The following PPARGC1A variants were observed in gnomAD, a reference collection of about 807,000 sequenced individuals.
PPARGC1A encodes peroxisome proliferator-activated receptor gamma coactivator 1-alpha.
In PPARGC1A, 25 loss-of-function variants were observed where a neutral mutation model predicts 88.7. The observed-to-expected ratio is 0.28, with a 90% CI of 0.21 to 0.39. PPARGC1A has a LOEUF of 0.39. PPARGC1A is among the 10% of genes least tolerant of loss of function. PPARGC1A has a pLI of 1.00. For synonymous variants in PPARGC1A, 363 were observed against 355.6 expected (o/e 1.02, Z -0.24); for missense variants, 880 against 968.7 (o/e 0.91, Z 1.22).
intron 2 of PPARGC1A, among the ~76,000 whole-genome samples, chr4:23,838,468 C>T (rs775157067): frequency 2.0e-5 from 3 of 151,892 alleles, no homozygotes; most frequent in South Asian, 2.1e-4. Context: ...GGGCACTGGA[C>T]GGTGGGGAAA....
At chr4:23,927,086 A>G in the PPARGC1A span, among the ~76,000 whole-genome samples, 2 of 152,324 alleles carry the variant, frequency 1.3e-5, no homozygotes, top group African/African-American at 4.8e-5. Context: ...CCTACAACCT[A>G]GCTTAGTCTA....
chr4:24,098,570 A>T, the PPARGC1A span, among the ~76,000 whole-genome samples: 1 of 152,234 alleles, frequency 6.6e-6, no homozygotes, highest in Non-Finnish European at 1.5e-5. Flanking sequence ...TCAAACCAAG[A>T]AACAGAATCC....
chr4:24,277,496 C>G, the PPARGC1A span, among the ~76,000 whole-genome samples: 1 of 141,390 alleles, frequency 7.1e-6, no homozygotes, highest in South Asian at 2.6e-4. Context: ...AACTATGAAG[C>G]CTGTCTCTTC....
chr4:24,460,841 A>T, the PPARGC1A span, among the ~76,000 whole-genome samples: 2 of 152,226 alleles, frequency 1.3e-5, no homozygotes, highest in African/African-American at 4.8e-5. Flanking sequence ...AAAGTTTGGT[A>T]ATTTATTGAA....
chr4:24,309,842 G>A, the PPARGC1A span, among the ~76,000 whole-genome samples: 7 of 152,234 alleles, frequency 4.6e-5, no homozygotes, highest in Non-Finnish European at 8.8e-5. Context: ...CCAATCCTGA[G>A]AGAGTATTGT....
chr4:24,309,371 T>C, the PPARGC1A span, among the ~76,000 whole-genome samples: 2 of 151,898 alleles, frequency 1.3e-5, no homozygotes, highest in African/African-American at 4.8e-5. Context: ...ATCCTGGAAG[T>C]GAGAAAGATT....
the PPARGC1A span, among the ~76,000 whole-genome samples, chr4:24,179,154 T>A: frequency 6.6e-6 from 1 of 152,178 alleles, no homozygotes; most frequent in African/African-American, 2.4e-5. Context: ...TAGTTGCAAC[T>A]GTGAGAGCTG....
upstream of PPARGC1A, among the ~76,000 whole-genome samples, chr4:23,902,829 A>G (rs1477795369): frequency 1.3e-5 from 2 of 152,198 alleles, no homozygotes; most frequent in African/African-American, 4.8e-5. Flanking sequence ...TTAGTTTTTG[A>G]TGCCAAAAAC....
intron 2 of PPARGC1A, among the ~76,000 whole-genome samples, chr4:23,876,180 T>C (rs1394047687): frequency 6.6e-6 from 1 of 152,204 alleles, no homozygotes; most frequent in Non-Finnish European, 1.5e-5. Context: ...ATTTGCATAA[T>C]AGCATTTTAA....
the PPARGC1A span, among the ~76,000 whole-genome samples, chr4:23,910,280 T>C: frequency 1.5e-5 from 1 of 67,062 alleles, no homozygotes; most frequent in Admixed American, 2.1e-4. Context: ...ATATTAACCC[T>C]ATATATTATT....
chr4:23,922,020 A>G, the PPARGC1A span, among the ~76,000 whole-genome samples: 2 of 152,212 alleles, frequency 1.3e-5, no homozygotes, highest in Non-Finnish European at 2.9e-5. Flanking sequence ...CAATGTTCAT[A>G]AAATATTATG....
chr4:24,209,999 G>T, the PPARGC1A span, among the ~76,000 whole-genome samples: 1 of 152,146 alleles, frequency 6.6e-6, no homozygotes, highest in Non-Finnish European at 1.5e-5. Context: ...AAAACGGGAA[G>T]AAGAACAGTC....
chr4:24,160,119 C>T, the PPARGC1A span, among the ~76,000 whole-genome samples: 1 of 152,212 alleles, frequency 6.6e-6, no homozygotes, highest in East Asian at 1.9e-4. Context: ...TTCTCAACCA[C>T]CTGACCCACT....
the PPARGC1A span, among the ~76,000 whole-genome samples, chr4:24,049,712 G>A: frequency 3.3e-5 from 5 of 152,104 alleles, no homozygotes; most frequent in South Asian, 2.1e-4. Context: ...AAAGTCATAT[G>A]TAGATTATTC....
At chr4:23,952,598 G>A in the PPARGC1A span, among the ~76,000 whole-genome samples, 1 of 152,046 alleles carries the variant, frequency 6.6e-6, no homozygotes, top group South Asian at 2.1e-4. Context: ...GGAGAGTTAA[G>A]TCCAGAGATA....
chr4:23,976,321 A>G, the PPARGC1A span, among the ~76,000 whole-genome samples: 9 of 152,324 alleles, frequency 5.9e-5, no homozygotes, highest in Middle Eastern at 3.4e-3. Context: ...ATCTCTGGGG[A>G]AAGACATGCA....
At chr4:24,219,396 A>T in the PPARGC1A span, among the ~76,000 whole-genome samples, 2 of 152,094 alleles carry the variant, frequency 1.3e-5, no homozygotes, top group Non-Finnish European at 2.9e-5. Flanking sequence ...GAATCTTACA[A>T]ACAGCAACCA....
the PPARGC1A span, among the ~76,000 whole-genome samples, chr4:24,197,845 G>A: frequency 6.6e-6 from 1 of 152,180 alleles, no homozygotes; most frequent in Non-Finnish European, 1.5e-5. Context: ...CCTTTTAGCT[G>A]TAGGGTTTGG....
the PPARGC1A span, among the ~76,000 whole-genome samples, chr4:24,371,957 A>G: frequency 6.6e-6 from 1 of 151,944 alleles, no homozygotes; most frequent in Admixed American, 6.6e-5. Context: ...TCTCAAAATA[A>G]AAGAAAAAAA....
Sources: allele counts gnomAD v4.1 joint callset (sites outside exome capture counted in the v4.1 genomes callset), GRCh38; gene constraint gnomAD v4.1.1; transcripts MANE v1.5; gene names NCBI Gene and HGNC (gene_info 2026-07-23, HGNC 2026-07-21).